Variants in INPP5F observed in about 807,000 individuals in gnomAD.
INPP5F encodes the protein inositol polyphosphate-5-phosphatase F, also known as phosphatidylinositide 4-phosphatase SAC2.
INPP5F carries 97 observed loss-of-function variants against 137.2 expected under a neutral mutation model. The ratio of observed to expected loss-of-function variants is 0.71; its 90% CI spans 0.60 to 0.84. The LOEUF (loss-of-function observed/expected upper bound fraction) is 0.84. INPP5F is among the 40% of genes least tolerant of loss of function. The pLI is 0.00. For missense variants in INPP5F, 1,271 were observed against 1,371.9 expected (o/e 0.93, Z 1.16); for synonymous variants, 504 against 476.9 (o/e 1.06, Z -0.74).
At chr10:119,785,324 C>T (rs1310525298) in intron 3 of INPP5F, among the ~76,000 whole-genome samples, 7 of 124,936 alleles carry the variant, frequency 5.6e-5, no homozygotes, top group Non-Finnish European at 8.2e-5. Context: ...CTCGCTCTGT[C>T]GCCCAGGCTG....
rs1848593673 is a variant in INPP5F, at chr10:119,748,170, T to C, written c.98-2906T>C. Among the ~76,000 whole-genome samples the C allele has an allele frequency of 6.6e-6, 1 of 152,204 alleles. No individual in the cohort carries two copies. Among genetic ancestry groups the C allele is most frequent in the African/African-American group, 2.4e-5 (1 of 41,450 alleles). On this transcript the variant is annotated intron_variant, in intron 1 of 19. Coordinates refer to ENST00000650623, the MANE Select transcript of INPP5F (RefSeq NM_014937.4). This position sits in a 1 kb window ranked among gnomAD's most constrained non-coding sequence, Gnocchi z 4.7. The stretch of plus-strand genomic sequence containing the variant: ...TATGCACAGCCAGGTGTGCCAGCCG[T>C]GGCAGGGCAGGCAGCTCCAGGCACC...
At chr10:119,821,314 A>T (rs1589757179) in intron 16 of INPP5F, among the ~76,000 whole-genome samples, 2 of 151,088 alleles carry the variant, frequency 1.3e-5, no homozygotes, top group East Asian at 3.9e-4. Flanking sequence ...ACTACCAATG[A>T]TGCAGTTGTC....
At chr10:119,758,509 A>T (rs940806757) in intron 2 of INPP5F, among the ~76,000 whole-genome samples, 2 of 152,366 alleles carry the variant, frequency 1.3e-5, no homozygotes, top group South Asian at 4.1e-4. Flanking sequence ...TTTAGGCTGG[A>T]GATTTAAAAT....
In INPP5F at chr10:119,750,859, T is replaced by C. The variant is rs141965372; in HGVS notation, c.98-217T>C. On this transcript the variant is annotated intron_variant, in intron 1 of 19. Transcript: ENST00000650623. Reference sequence around the variant, plus strand: ...GAAGAGTTTTCTGAATGTTACTGCTTTCCCCTTAACTGTCCGAAGCCTTAT... The same window carrying C: ...GAAGAGTTTTCTGAATGTTACTGCTCTCCCCTTAACTGTCCGAAGCCTTAT... Among the ~76,000 whole-genome samples, 373 of 152,308 alleles carry C rather than the reference T, an allele frequency of 2.4e-3. 1 individual carries two copies. The highest frequency in any genetic ancestry group is 7.9e-3 in the African/African-American group (330 of 41,576).
intron 1 of INPP5F, among the ~76,000 whole-genome samples, chr10:119,750,315 C>T (rs1000206590): frequency 1.3e-5 from 2 of 152,146 alleles, no homozygotes; most frequent in African/African-American, 4.8e-5. Context: ...GTCGAACTAC[C>T]ACAAATGTTA....
chr10:119,793,463 G>C (rs1416360566), intron 6 of INPP5F: 3 of 152,558 alleles, frequency 2.0e-5, no homozygotes, highest in Non-Finnish European at 4.4e-5. Context: ...GGAGTGTTTG[G>C]TGATGGAAGA....
intron 3 of INPP5F, among the ~76,000 whole-genome samples, chr10:119,784,349 T>A (rs1018440319): frequency 4.6e-5 from 7 of 152,254 alleles, no homozygotes; most frequent in African/African-American, 1.7e-4. Flanking sequence ...TTTCACATGT[T>A]TCAGAATAGT....
chr10:119,766,790 A>G (rs548088369), intron 2 of INPP5F, among the ~76,000 whole-genome samples: 1 of 152,256 alleles, frequency 6.6e-6, no homozygotes, highest in East Asian at 1.9e-4. Flanking sequence ...TTTGTCACCA[A>G]CAGTCTCTGC....
intron 6 of INPP5F, among the ~76,000 whole-genome samples, chr10:119,795,814 G>A (rs1317897512): frequency 6.6e-6 from 1 of 152,212 alleles, no homozygotes; most frequent in Non-Finnish European, 1.5e-5. Context: ...ACGAGACTCC[G>A]TCTGCAATCC....
chr10:119,737,002 C>A (rs949094398), intron 1 of INPP5F, among the ~76,000 whole-genome samples: 2 of 152,040 alleles, frequency 1.3e-5, no homozygotes, highest in Admixed American at 1.3e-4. Context: ...TTTTTTACAA[C>A]ATTTTTTATA....
At chr10:119,774,134 C>T (rs945768810) in intron 2 of INPP5F, among the ~76,000 whole-genome samples, 5 of 151,350 alleles carry the variant, frequency 3.3e-5, no homozygotes, top group South Asian at 2.1e-4. Flanking sequence ...TGGTGGCGTG[C>T]GCCTGTAGTC....
chr10:119,750,090 G>A (rs1848649501), intron 1 of INPP5F, among the ~76,000 whole-genome samples: 2 of 152,102 alleles, frequency 1.3e-5, no homozygotes, highest in Non-Finnish European at 2.9e-5. Flanking sequence ...AACTTTTTTT[G>A]CCTTCCATTG....
intron 1 of INPP5F, among the ~76,000 whole-genome samples, chr10:119,732,704 T>C (rs993321121): frequency 1.3e-5 from 2 of 151,974 alleles, no homozygotes; most frequent in Non-Finnish European, 2.9e-5. Flanking sequence ...TTTCGCCGTA[T>C]TGGCCAGGTT....
intron 2 of INPP5F, among the ~76,000 whole-genome samples, chr10:119,778,995 C>T (rs369024042): frequency 1.1e-4 from 16 of 152,278 alleles, no homozygotes; most frequent in African/African-American, 3.9e-4. Context: ...TCCCCTTCAT[C>T]TCTTTTATCC....
intron 2 of INPP5F, among the ~76,000 whole-genome samples, chr10:119,776,676 G>A (rs1849532472): frequency 6.6e-6 from 1 of 151,670 alleles, no homozygotes; most frequent in Non-Finnish European, 1.5e-5. Flanking sequence ...GTGTGTGTGT[G>A]TATGTGTGTT....
chr10:119,739,371 A>G (rs1193460347), intron 1 of INPP5F, among the ~76,000 whole-genome samples: 2 of 152,246 alleles, frequency 1.3e-5, no homozygotes, highest in East Asian at 1.9e-4. Context: ...AAGTGCCTGC[A>G]TAGCAAAGAC....
intron 6 of INPP5F, among the ~76,000 whole-genome samples, chr10:119,795,755 G>A (rs1188596264): frequency 6.6e-6 from 1 of 152,140 alleles, no homozygotes; most frequent in Non-Finnish European, 1.5e-5. Flanking sequence ...GTAGCCAGCC[G>A]AGATCATGCC....
intron 12 of INPP5F, among the ~76,000 whole-genome samples, chr10:119,807,378 G>A (rs1259667629): frequency 6.6e-6 from 1 of 152,212 alleles, no homozygotes. Context: ...AAGCAGCCAG[G>A]TTTGAGTTTA....
At chr10:119,771,867 TATATATATATATA>T (rs1849356216) in intron 2 of INPP5F, among the ~76,000 whole-genome samples, 1 of 14,858 alleles carries the variant, frequency 6.7e-5, no homozygotes, top group Non-Finnish European at 1.5e-4. Context: ...TATATATATA[TATATATATATATA>T]TATTTTTTTT....
Sources: allele counts gnomAD v4.1 joint callset (sites outside exome capture counted in the v4.1 genomes callset), GRCh38; gene constraint gnomAD v4.1.1; non-coding constraint Gnocchi (gnomAD v3.1); transcripts MANE v1.5; gene names NCBI Gene and HGNC (gene_info 2026-07-23, HGNC 2026-07-21).